Variants in PTPRD observed in about 807,000 individuals in gnomAD.
The protein encoded by PTPRD is receptor-type tyrosine-protein phosphatase delta.
Under a neutral mutation model 214.5 loss-of-function variants are expected in PTPRD, and 34 were observed. That is an observed-to-expected ratio of 0.16 (90% confidence interval 0.12 to 0.21). The LOEUF (loss-of-function observed/expected upper bound fraction) is 0.21. PTPRD is among the 10% of genes least tolerant of loss of function. The pLI, the probability that PTPRD is intolerant of heterozygous loss-of-function variation, is 1.00. For missense variants in PTPRD, 2,545 were observed against 2,398.7 expected (o/e 1.06, Z -1.27); for synonymous variants, 1,128 against 845.7 (o/e 1.33, Z -5.79).
chr9:8,676,575 TTTGA>T (rs1220881492), intron 12 of PTPRD, among the ~76,000 whole-genome samples: 1 of 151,386 alleles, frequency 6.6e-6, no homozygotes, highest in Admixed American at 6.6e-5. Context: ...CTTTTTTTGT[TTTGA>T]TTGTTTGTTT....
chr9:9,735,729 G>A (rs564700104), intron 6 of PTPRD, among the ~76,000 whole-genome samples: 1 of 152,018 alleles, frequency 6.6e-6, no homozygotes, highest in Non-Finnish European at 1.5e-5. Context: ...GAATTCTCTA[G>A]CCTGGCTTCA....
At chr9:8,446,765 T>C (rs142075026) in intron 34 of PTPRD, among the ~76,000 whole-genome samples, 14 of 152,330 alleles carry the variant, frequency 9.2e-5, no homozygotes, top group Non-Finnish European at 1.6e-4. Flanking sequence ...ATTAGCGTCA[T>C]AGCACCTGTC....
chr9:9,836,641 T>C (rs1484999443), intron 5 of PTPRD, among the ~76,000 whole-genome samples: 2 of 152,146 alleles, frequency 1.3e-5, no homozygotes, highest in South Asian at 2.1e-4. Flanking sequence ...AGAGAAAAAC[T>C]GTGTGCTTCT....
intron 9 of PTPRD, among the ~76,000 whole-genome samples, chr9:9,282,305 C>T (rs1200943718): frequency 6.6e-6 from 1 of 151,048 alleles, no homozygotes; most frequent in Non-Finnish European, 1.5e-5. Context: ...GATAATGGGG[C>T]AGGATATGTA....
chr9:10,062,994 G>A (rs899765935), intron 3 of PTPRD, among the ~76,000 whole-genome samples: 9 of 151,980 alleles, frequency 5.9e-5, no homozygotes, highest in African/African-American at 2.2e-4. Context: ...GAATTAATAT[G>A]TTAAGAAAAG....
chr9:8,720,689 T>G lies in PTPRD; in HGVS notation c.64+13091A>C, dbSNP rs1338269374. On this transcript the variant is annotated intron_variant, in intron 12 of 45. Transcript: ENST00000381196. The stretch of plus-strand genomic sequence containing the variant: ...ATCAAAAATTTCCAAATTGATGTGT[T>G]TTTTTTTAATTGAAATTAGAAGCCA... Among the ~76,000 whole-genome samples, 4 of 151,974 alleles carry G rather than the reference T, an allele frequency of 2.6e-5. No homozygotes were observed. The South Asian group carries it at 8.3e-4, about 32-fold the overall frequency.
At chr9:8,521,638 A>C in intron 19 of PTPRD, 92 bp from the exon 20 acceptor site, 1 of 1,374,276 alleles carries the variant, frequency 7.3e-7, no homozygotes, top group African/African-American at 1.4e-5. Context: ...GACACGATTC[A>C]ACAATTGAAA....
chr9:8,629,662 T>C (rs2154314393), intron 14 of PTPRD, among the ~76,000 whole-genome samples: 1 of 151,886 alleles, frequency 6.6e-6, no homozygotes, highest in East Asian at 1.9e-4. Context: ...AAAACACAAG[T>C]AAAACAGATA....
At chr9:8,770,556 T>C (rs2095129277) in intron 11 of PTPRD, among the ~76,000 whole-genome samples, 1 of 152,190 alleles carries the variant, frequency 6.6e-6, no homozygotes, top group African/African-American at 2.4e-5. Context: ...TCAATCCCTC[T>C]AGGAAACTGA....
intron 2 of PTPRD, among the ~76,000 whole-genome samples, chr9:10,470,819 A>G (rs2099025798): frequency 6.6e-6 from 1 of 152,174 alleles, no homozygotes; most frequent in Admixed American, 6.6e-5. Context: ...GGAGTGGTGG[A>G]GGGTATCAGA....
intron 9 of PTPRD, among the ~76,000 whole-genome samples, chr9:9,206,797 G>A (rs941242212): frequency 1.3e-5 from 2 of 152,140 alleles, no homozygotes; most frequent in Admixed American, 6.5e-5. Flanking sequence ...ACAGACTGAA[G>A]GCTGCACTAC....
chr9:10,490,282 G>C (rs1369369648), intron 2 of PTPRD, among the ~76,000 whole-genome samples: 1 of 152,094 alleles, frequency 6.6e-6, no homozygotes, highest in Non-Finnish European at 1.5e-5. Context: ...TGATAATAAA[G>C]AGTATTTATT....
At chr9:10,497,290 C>G (rs983691962) in intron 2 of PTPRD, among the ~76,000 whole-genome samples, 3 of 151,908 alleles carry the variant, frequency 2.0e-5, no homozygotes, top group East Asian at 3.9e-4. Flanking sequence ...ATCCCTGTAT[C>G]TAAAATTAAA....
At chr9:8,594,914 G>A (rs1233699296) in intron 14 of PTPRD, among the ~76,000 whole-genome samples, 1 of 145,602 alleles carries the variant, frequency 6.9e-6, no homozygotes, top group Admixed American at 7.0e-5. Flanking sequence ...CCAGGCTGGA[G>A]TGCAGTGGCG....
chr9:10,171,551 C>G (rs2099205977), intron 3 of PTPRD, among the ~76,000 whole-genome samples: 1 of 151,992 alleles, frequency 6.6e-6, no homozygotes, highest in African/African-American at 2.4e-5. Flanking sequence ...TTGAGACAGA[C>G]TCTCGCTCTG....
chr9:9,867,972 C>A (rs991597265), intron 5 of PTPRD, among the ~76,000 whole-genome samples: 6 of 152,124 alleles, frequency 3.9e-5, no homozygotes, highest in African/African-American at 1.4e-4. Context: ...TGCACATGAG[C>A]TGAATAGCTA....
Position 8,709,342 on chromosome 9 carries a change from G to A in PTPRD, c.64+24438C>T, listed in dbSNP as rs528219303. ...ATCCTGGCTAACACAGTGAAACCCT[G>A]TCTCTACTAAAAAATACAAAAAATT... On this transcript the variant is annotated intron_variant, in intron 12 of 45. Coordinates refer to ENST00000381196, the MANE Select transcript of PTPRD (RefSeq NM_002839.4). Among the ~76,000 whole-genome samples the A allele has an allele frequency of 8.6e-5, 13 of 151,766 alleles. No individual in the cohort carries two copies. In the East Asian group the frequency reaches 2.1e-3, roughly 25 times the overall value.
intron 4 of PTPRD, among the ~76,000 whole-genome samples, chr9:9,989,480 C>G (rs955741831): frequency 6.6e-6 from 1 of 152,094 alleles, no homozygotes; most frequent in Non-Finnish European, 1.5e-5. Context: ...GATGGCAGGA[C>G]TTTGGAGAAG....
At chr9:9,405,405 C>T (rs59776621) in intron 8 of PTPRD, among the ~76,000 whole-genome samples, 53 of 152,040 alleles carry the variant, frequency 3.5e-4, no homozygotes, top group Middle Eastern at 3.4e-3. Context: ...CATCTAACTC[C>T]GGTAGAAGAA....
Sources: allele counts gnomAD v4.1 joint callset (sites outside exome capture counted in the v4.1 genomes callset), GRCh38; gene constraint gnomAD v4.1.1; transcripts MANE v1.5; gene names NCBI Gene and HGNC (gene_info 2026-07-23, HGNC 2026-07-21).